The following SKOR2 variants were observed in gnomAD, a reference collection of about 807,000 sequenced individuals.
The protein encoded by SKOR2 is SKI family transcriptional corepressor 2.
SKOR2 carries 47 observed loss-of-function variants against 69.1 expected under a neutral mutation model. That is an observed-to-expected ratio of 0.68 (90% CI 0.54 to 0.87). The LOEUF is 0.87. SKOR2 is among the 40% of genes least tolerant of loss of function. The pLI, the probability that SKOR2 is intolerant of heterozygous loss-of-function variation, is 0.00. For missense variants in SKOR2, 1,404 were observed against 1,472.2 expected, an observed-to-expected ratio of 0.95 and a Z score of 0.76; for synonymous variants, 717 against 672.6, an observed-to-expected ratio of 1.07 and a Z score of -1.02.
chr18:47,245,665 G>T, intron 2 of SKOR2, 104 bp from the exon 3 acceptor site: 2 of 1,021,652 alleles, frequency 2.0e-6, no homozygotes, highest in Non-Finnish European at 2.7e-6. Context: ...ACTCCATGGA[G>T]CCTCAGGAGA....
At chr18:47,214,002 A>G (rs151046877) in intron 7 of SKOR2, among the ~76,000 whole-genome samples, 34 of 152,348 alleles carry the variant, frequency 2.2e-4, no homozygotes, top group African/African-American at 7.9e-4. Flanking sequence ...GATAACAAAC[A>G]ATGTAAACTT....
intron 4 of SKOR2, among the ~76,000 whole-genome samples, chr18:47,237,914 G>GA (rs2064231745): frequency 6.6e-6 from 1 of 152,070 alleles, no homozygotes; most frequent in Non-Finnish European, 1.5e-5. Context: ...CTGGGCTCAG[G>GA]GAATCCTCCT....
Position 47,248,317 on chromosome 18 carries a change from C to CGGT in SKOR2, c.866_867insACC (p.Pro294dup). The CGGT allele has an allele frequency of 6.7e-6, 8 of 1,200,276 alleles. No individual in the cohort carries two copies. The highest frequency in any genetic ancestry group is 8.2e-6 in the Non-Finnish European group (8 of 970,134). 74.4% of individuals were successfully genotyped at this position (1,200,276 alleles called of 1,614,324 possible). A position where few individuals can be genotyped will look rare whatever the true frequency, so the allele number is the denominator to read the frequency against. ...GCTCTGCCAAGGGCGGCGGTGGCGG[C>CGGT]GGCGGCGGCGGGGGCGCACCCAGCA... On this transcript the variant is annotated inframe_insertion, in exon 2 of 9. Transcript: ENST00000425639. The surrounding 1 kb of genome is among the most constrained non-coding windows in gnomAD (Gnocchi z 6.4).
intron 6 of SKOR2, among the ~76,000 whole-genome samples, chr18:47,225,872 G>C (rs1001655385): frequency 2.6e-5 from 4 of 152,112 alleles, no homozygotes; most frequent in Non-Finnish European, 5.9e-5. Context: ...GGTTGGGGGA[G>C]GGGCACACAA....
intron 8 of SKOR2, among the ~76,000 whole-genome samples, chr18:47,210,566 T>C (rs1480660979): frequency 6.6e-6 from 1 of 152,220 alleles, no homozygotes; most frequent in Non-Finnish European, 1.5e-5. Context: ...TTAATTATCT[T>C]GATATTCTAA....
chr18:47,206,189 T>C lies in SKOR2; in HGVS notation c.*707A>G, dbSNP rs2064112537. ...AACCATTACTTCATAGTTTTTTTAT[T>C]ATAGACTTTTTTATCCACATGAATG... On this transcript the variant is annotated 3_prime_UTR_variant, in exon 9 of 9. Transcript: ENST00000425639. The C allele has an allele frequency of 6.6e-6, 1 of 152,184 alleles. No individual in the cohort carries two copies. Among genetic ancestry groups the C allele is most frequent in the African/African-American group, 2.4e-5 (1 of 41,464 alleles). The allele number at this position is 152,184 out of a possible 1,614,324, so 9.4% of individuals were successfully genotyped here. A position where few individuals can be genotyped will look rare whatever the true frequency, so the allele number is the denominator to read the frequency against.
Position 47,247,898 on chromosome 18 carries a change from G to A in SKOR2, c.1286C>T (p.Ala429Val). The A allele has an allele frequency of 1.5e-6, 2 of 1,361,792 alleles. No individual in the cohort carries two copies. Among genetic ancestry groups the A allele is most frequent in the Non-Finnish European group, 1.9e-6 (2 of 1,065,272 alleles). 84.4% of individuals were successfully genotyped at this position (1,361,792 alleles called of 1,614,324 possible). A position where few individuals can be genotyped will look rare whatever the true frequency, so the allele number is the denominator to read the frequency against. The change falls in exon 2 of 9, where the codon GCC (alanine) becomes GTC (valine). Residue 429 changes from alanine to valine, a missense_variant. This residue lies in a region of SKOR2 where 1,266 missense variants were observed against 1,309.9 expected (regional missense o/e 0.97). Coordinates refer to ENST00000425639, the MANE Select transcript of SKOR2 (RefSeq NM_001278063.4). The surrounding 1 kb of genome is among the most constrained non-coding windows in gnomAD (Gnocchi z 6.6). Reference protein sequence around the residue: ...SLCHKKEDAGAAAEALGGAGA... With the variant: ...SLCHKKEDAGVAAEALGGAGA... ...CGCGCCCCCCAGGGCCTCAGCGGCG[G>A]CACCCGCATCCTCTTTCTTATGGCA...
chr18:47,220,298 T>G (rs1050466675), intron 6 of SKOR2, among the ~76,000 whole-genome samples: 25 of 152,184 alleles, frequency 1.6e-4, no homozygotes, highest in African/African-American at 4.8e-5. Context: ...TCATGTTCTT[T>G]AACCTTTGCA....
At chr18:47,213,553 T>C (rs972617702) in intron 7 of SKOR2, among the ~76,000 whole-genome samples, 2 of 151,808 alleles carry the variant, frequency 1.3e-5, no homozygotes, top group African/African-American at 4.8e-5. Context: ...GTTGGACCAT[T>C]TTACTGTAAT....
chr18:47,232,283 T>C (rs961940096), intron 4 of SKOR2, among the ~76,000 whole-genome samples: 9 of 152,218 alleles, frequency 5.9e-5, no homozygotes, highest in Admixed American at 5.2e-4. Flanking sequence ...AAAACTATAT[T>C]GCGCATAAAG....
intron 1 of SKOR2, 103 bp from the exon 2 acceptor site, chr18:47,249,333 G>A: frequency 9.0e-7 from 1 of 1,110,232 alleles, no homozygotes; most frequent in South Asian, 1.7e-5. Flanking sequence ...TCTTGCTTTG[G>A]TTAAGACACG....
rs762834867 is a variant in SKOR2, at chr18:47,245,477, G to GTTTTTTTTTTTTTTTT, written c.2677+20_2677+21insAAAAAAAAAAAAAAAA. ...AATGCAGGCAAGAAAAGTGGCAGCT[G>GTTTTTTTTTTTTTTTT]ATTTTTTTTTTTTTTTTTACCTGAA... On this transcript the variant is annotated intron_variant, in intron 3 of 8. Transcript: ENST00000425639. 9.7e-6 allele frequency: 5 copies of GTTTTTTTTTTTTTTTT among 517,904 alleles called. No individual in the cohort carries two copies. In the African/African-American group the frequency reaches 2.2e-4, roughly 22 times the overall value. 32.1% of individuals were successfully genotyped at this position (517,904 alleles called of 1,614,324 possible). A position where few individuals can be genotyped will look rare whatever the true frequency, so the allele number is the denominator to read the frequency against.
chr18:47,232,132 A>G (rs1459365452), intron 4 of SKOR2, among the ~76,000 whole-genome samples: 1 of 152,140 alleles, frequency 6.6e-6, no homozygotes, highest in African/African-American at 2.4e-5. Context: ...CTGTCTCAAA[A>G]AAACAAATAA....
rs1014807542 is a variant in SKOR2 at position 47,247,981 on chromosome 18, G to A, written c.1203C>T (p.Cys401=). ...FGGVLQKFPG[C]GGLFPHPYTF... is the part of the protein sequence containing the mutation. ...TGTAGGGGTGCGGGAAGAGCCCGCC[G>A]CAGCCCGGGAACTTCTGCAGGACGC... The change falls in exon 2 of 9, where the codon TGC becomes TGT. Residue 401 remains cysteine, a synonymous_variant. Coordinates refer to ENST00000425639, the MANE Select transcript of SKOR2 (RefSeq NM_001278063.4). This position sits in a 1 kb window ranked among gnomAD's most constrained non-coding sequence, Gnocchi z 6.6. 104 of 1,388,332 alleles carry A rather than the reference G, an allele frequency of 7.5e-5. No individual in the cohort carries two copies. The highest frequency in any genetic ancestry group is 8.2e-5 in the Non-Finnish European group (88 of 1,075,462). The allele number at this position is 1,388,332 out of a possible 1,614,324, so 86.0% of individuals were successfully genotyped here. A position where few individuals can be genotyped will look rare whatever the true frequency, so the allele number is the denominator to read the frequency against.
At chr18:47,240,353 A>G (rs1363043713) in intron 4 of SKOR2, among the ~76,000 whole-genome samples, 1 of 152,220 alleles carries the variant, frequency 6.6e-6, no homozygotes, top group Non-Finnish European at 1.5e-5. Flanking sequence ...TCAAAATGGA[A>G]ATGCAAAACC....
Position 47,248,150 on chromosome 18 carries a change from G to C in SKOR2, c.1034C>G (p.Ala345Gly). ...SLSVAAASGG[A>G]GTGGGGAGGG... Reference sequence around the variant, plus strand: ...CCCAGCGCCGCCCCCACCAGTCCCCGCGCCGCCCGAAGCAGCAGCCACAGA... The same window carrying C: ...CCCAGCGCCGCCCCCACCAGTCCCCCCGCCGCCCGAAGCAGCAGCCACAGA... The change falls in exon 2 of 9, where the codon GCG becomes GGG. Residue 345 changes from alanine (A) to glycine (G), a missense_variant. Physicochemically the swap from Ala to Gly is moderately conservative, Grantham distance 60 (BLOSUM62 0). Around this residue, in one of 3 missense-constraint regions of SKOR2, gnomAD observed 1,266 missense variants for 1,309.9 expected, o/e 0.97. Coordinates refer to ENST00000425639, the MANE Select transcript of SKOR2 (RefSeq NM_001278063.4). The surrounding 1 kb of genome is among the most constrained non-coding windows in gnomAD (Gnocchi z 6.4). 2.4e-6 allele frequency: 3 copies of C among 1,259,146 alleles called. No individual in the cohort carries two copies. Among genetic ancestry groups the C allele is most frequent in the Non-Finnish European group, 3.0e-6 (3 of 1,009,166 alleles). The allele number at this position is 1,259,146 out of a possible 1,614,324, so 78.0% of individuals were successfully genotyped here. A position where few individuals can be genotyped will look rare whatever the true frequency, so the allele number is the denominator to read the frequency against.
chr18:47,232,653 T>A (rs557395703), intron 4 of SKOR2, among the ~76,000 whole-genome samples: 1 of 152,196 alleles, frequency 6.6e-6, no homozygotes, highest in Non-Finnish European at 1.5e-5. Flanking sequence ...GGCCATGTGT[T>A]ACTTGGCGGC....
intron 4 of SKOR2, among the ~76,000 whole-genome samples, chr18:47,240,942 G>T (rs565839988): frequency 1.3e-4 from 20 of 152,242 alleles, no homozygotes; most frequent in Non-Finnish European, 2.5e-4. Context: ...TATAAGCATA[G>T]AAATAAAATA....
chr18:47,243,360 G>T (rs555382607), intron 4 of SKOR2, among the ~76,000 whole-genome samples: 2 of 152,296 alleles, frequency 1.3e-5, no homozygotes, highest in South Asian at 4.1e-4. Context: ...TGGGACTAAG[G>T]AATGTTTCTA....
Sources: gnomAD v4.1 joint callset for allele counts (sites outside exome capture counted in the v4.1 genomes callset) on GRCh38, gnomAD v4.1.1 for gene constraint, gnomAD v4.1.1 regional missense constraint, Gnocchi (gnomAD v3.1) non-coding constraint, MANE v1.5 for transcripts, NCBI Gene and HGNC (gene_info 2026-07-23, HGNC 2026-07-21) for gene names.